GIMAP6: variants seen among roughly 807,000 people sequenced by gnomAD.
The protein encoded by GIMAP6 is GTPase, IMAP family member 6.
Under a neutral mutation model 9.3 loss-of-function variants are expected in GIMAP6, and 6 were observed. The ratio of observed to expected loss-of-function variants is 0.65; its 90% confidence interval spans 0.35 to 1.27. The LOEUF (loss-of-function observed/expected upper bound fraction) is 1.27. Among genes scored for constraint, GIMAP6 ranks in the 50% most tolerant of loss-of-function variants. The probability of loss-of-function intolerance (pLI) is 0.03; values close to 1 mark genes in which losing one functional copy is unlikely to be tolerated. For synonymous variants in GIMAP6, 156 were observed against 151.1 expected (o/e 1.03, Z -0.24); for missense variants, 333 against 359.5 (o/e 0.93, Z 0.60).
rs1796403457 is a variant in GIMAP6 at position 150,632,172 on chromosome 7, T to A, written c.-4A>T. 1 of 152,362 alleles carries A rather than the reference T, an allele frequency of 6.6e-6. No individual in the cohort carries two copies. The highest frequency in any genetic ancestry group is 2.4e-5 in the African/African-American group (1 of 41,440). The allele number at this position is 152,362 out of a possible 1,614,324, so 9.4% of individuals were successfully genotyped here. On this transcript the variant is annotated 5_prime_UTR_variant, in exon 1 of 3. Transcript: ENST00000328902. ...ACGCACAAATACTCAGACTTACCTCTGCACCAGCTCACAGGCAAGAGAAAG... is the reference window on the plus strand; with the variant it reads ...ACGCACAAATACTCAGACTTACCTCAGCACCAGCTCACAGGCAAGAGAAAG...
chr7:150,630,630 A>G (rs907260260), intron 1 of GIMAP6, among the ~76,000 whole-genome samples: 2 of 152,198 alleles, frequency 1.3e-5, no homozygotes, highest in South Asian at 4.1e-4. Flanking sequence ...GGGAGGGGCC[A>G]CTTGGTGGGC....
intron 2 of GIMAP6, chr7:150,628,748 A>G: frequency 2.1e-6 from 3 of 1,451,510 alleles, no homozygotes; most frequent in Admixed American, 2.8e-5. Flanking sequence ...AGACTTGGCC[A>G]ATAGAACACC....
rs75718225 is a variant in GIMAP6 at position 150,626,743 on chromosome 7, C to G, written c.*976G>C. 6.6e-6 allele frequency: 1 copy of G among 152,356 alleles called. No individual in the cohort carries two copies. Among genetic ancestry groups the G allele is most frequent in the African/African-American group, 2.4e-5 (1 of 41,576 alleles). 9.4% of individuals were successfully genotyped at this position (152,356 alleles called of 1,614,324 possible). On this transcript the variant is annotated 3_prime_UTR_variant, in exon 3 of 3. Transcript: ENST00000328902. ...TAGGGAACCCGTTTGCACACGCAGACACCCCATCCACATGCTCCCATTATC... is the reference window on the plus strand; with the variant it reads ...TAGGGAACCCGTTTGCACACGCAGAGACCCCATCCACATGCTCCCATTATC...
chr7:150,627,543 T>A lies in GIMAP6; in HGVS notation c.*176A>T. ...GTTCTGGAAGAAGGAATGAAGGAAC[T>A]GGAATGTGATCTGGGCATGCTGGAC... On this transcript the variant is annotated 3_prime_UTR_variant, in exon 3 of 3. Transcript: ENST00000328902. 1.4e-6 allele frequency: 1 copy of A among 691,924 alleles called. No individual in the cohort carries two copies. The highest frequency in any genetic ancestry group is 2.5e-6 in the Non-Finnish European group (1 of 405,066). 42.9% of individuals were successfully genotyped at this position (691,924 alleles called of 1,614,324 possible).
chr7:150,631,886 T>G (rs1407101766), intron 1 of GIMAP6, among the ~76,000 whole-genome samples: 1 of 152,008 alleles, frequency 6.6e-6, no homozygotes, highest in African/African-American at 2.4e-5. Context: ...ATTACAAACC[T>G]GCACACACCA....
chr7:150,629,088 C>G (rs1796350046), intron 2 of GIMAP6, among the ~76,000 whole-genome samples: 1 of 152,174 alleles, frequency 6.6e-6, no homozygotes, highest in Non-Finnish European at 1.5e-5. Context: ...CCCAAGGTGG[C>G]TGGAAGGAAT....
intron 1 of GIMAP6, among the ~76,000 whole-genome samples, chr7:150,630,712 G>T (rs758874396): frequency 6.6e-6 from 1 of 152,200 alleles, no homozygotes; most frequent in Non-Finnish European, 1.5e-5. Flanking sequence ...GGCTGAGCTG[G>T]GAAGGAAGCC....
rs759775773 is a variant in GIMAP6, at chr7:150,627,986, CT to C, written c.611del (p.Gln204ArgfsTer42). ...RRHCGFNNRAQGEEQEAQLRE... is the reference protein window; with the variant it reads ...RRHCGFNNRAXGEEQEAQLRE... Reference sequence around the variant, plus strand: ...GCAGTTGGGCCTCCTGCTCCTCCCCCTGTGCCCTGTTGTTGAAGCCGCAATG... The same window carrying C: ...GCAGTTGGGCCTCCTGCTCCTCCCCCGTGCCCTGTTGTTGAAGCCGCAATG... On this transcript the variant is annotated frameshift_variant, in exon 3 of 3. Coordinates refer to ENST00000328902, the MANE Select transcript of GIMAP6 (RefSeq NM_024711.6). LOFTEE classifies it low-confidence loss of function (END_TRUNC). 3 of 1,614,170 alleles carry C rather than the reference CT, an allele frequency of 1.9e-6. No homozygotes were observed. The highest frequency in any genetic ancestry group is 1.3e-5 in the African/African-American group (1 of 74,960).
chr7:150,632,009 A>G (rs1263958000), intron 1 of GIMAP6, among the ~76,000 whole-genome samples, 160 bp downstream of exon 1: 2 of 151,998 alleles, frequency 1.3e-5, no homozygotes, highest in Non-Finnish European at 2.9e-5. Flanking sequence ...TACACAACAC[A>G]CACACAACAC....
Position 150,630,039 on chromosome 7 carries a change from C to G in GIMAP6, c.85+19G>C, listed in dbSNP as rs1366787767. On this transcript the variant is annotated intron_variant, in intron 2 of 2. Coordinates refer to ENST00000328902, the MANE Select transcript of GIMAP6 (RefSeq NM_024711.6). ...CCCCAAATGTTTCCCACTTGCTCCC[C>G]TCTCCTCATTCATTTTACCTCCTGA... 1.3e-6 allele frequency: 2 copies of G among 1,538,266 alleles called. No homozygotes were observed. The highest frequency in any genetic ancestry group is 1.8e-6 in the Non-Finnish European group (2 of 1,121,036).
At chr7:150,629,141 C>T (rs185794602) in intron 2 of GIMAP6, among the ~76,000 whole-genome samples, 3 of 152,328 alleles carry the variant, frequency 2.0e-5, no homozygotes, top group East Asian at 3.9e-4. Context: ...TCTTCATCCC[C>T]ACCCACCTAG....
Position 150,628,348 on chromosome 7 carries a change from G to A in GIMAP6, c.250C>T (p.Arg84Ter), listed in dbSNP as rs766503943. 8 of 1,613,904 alleles carry A rather than the reference G, an allele frequency of 5.0e-6. No homozygotes were observed. The highest frequency in any genetic ancestry group is 2.2e-5 in the South Asian group (2 of 91,060). Residue 84 changes from arginine to a stop codon, truncating the protein, a stop_gained, in exon 3 of 3, where the codon CGA (arginine) becomes TGA (stop). Transcript: ENST00000328902. LOFTEE classifies it high-confidence loss of function. ...TCAAGCTCCTTCCCAGCCCACTCTC[G>A]GCTCCGTCTCTGGGAGGTCTTGGTC... ...PVTKTSQRRS[R>*]EWAGKELEVI...
rs997509202 is a variant in GIMAP6, at chr7:150,628,591, G to A, written c.86-79C>T. 11 of 1,597,968 alleles carry A rather than the reference G, an allele frequency of 6.9e-6. No homozygotes were observed. In the African/African-American group the frequency reaches 1.5e-4, roughly 21 times the overall value. On this transcript the variant is annotated intron_variant, in intron 2 of 2. Transcript: ENST00000328902. ...ATCTTGTCATCACCAGGAGCCTCTG[G>A]GTGTACCCCCAGACTGCAGGGGCAG... is the stretch of plus-strand genomic sequence containing the variant.
At position 150,630,082 on chromosome 7, in the gene GIMAP6, C is replaced by T. The variant is rs145493080; in HGVS notation, c.61G>A (p.Asp21Asn). ...QENPPEELSQ[D>N]PVLELSGGLR... The stretch of plus-strand genomic sequence containing the variant: ...CCTCCTGACAGCTCCAGCACAGGAT[C>T]CTGGGACAGCTCTTCTGGGGGATTC... The change falls in exon 2 of 3, where the codon GAT becomes AAT. Residue 21 changes from aspartate (D) to asparagine (N), a missense_variant. Transcript: ENST00000328902. 4.4e-6 allele frequency: 7 copies of T among 1,589,298 alleles called. No individual in the cohort carries two copies. In the South Asian group the frequency reaches 4.6e-5, roughly 10 times the overall value.
Position 150,628,143 on chromosome 7 carries a change from A to G in GIMAP6, c.455T>C (p.Val152Ala), listed in dbSNP as rs540666412. Reference sequence around the variant, plus strand: ...CAGGATGGTGTGACCCAGAACCCCCACTCCAAAGACCTCCTGCAGGCGCCT... The same window carrying G: ...CAGGATGGTGTGACCCAGAACCCCCGCTCCAAAGACCTCCTGCAGGCGCCT... Reference protein sequence around the residue: ...VVRRLQEVFGVGVLGHTILVF... With the variant: ...VVRRLQEVFGAGVLGHTILVF... Residue 152 changes from valine (V) to alanine (A), a missense_variant, in exon 3 of 3, where the codon GTG (valine) becomes GCG (alanine). Transcript: ENST00000328902. 6.2e-7 allele frequency: 1 copy of G among 1,613,674 alleles called. No homozygotes were observed. Among genetic ancestry groups the G allele is most frequent in the South Asian group, 1.1e-5 (1 of 91,060 alleles).
In GIMAP6 at chr7:150,632,277, G is replaced by T. The variant is rs189157643; in HGVS notation, c.-109C>A. On this transcript the variant is annotated 5_prime_UTR_variant, in exon 1 of 3. Transcript: ENST00000328902. ...CTTCCACAGTGTATGAACACAAGGAGGACAAGGCCGATGTTTGCTTATATT... is the reference window on the plus strand; with the variant it reads ...CTTCCACAGTGTATGAACACAAGGATGACAAGGCCGATGTTTGCTTATATT... 6.6e-6 allele frequency: 1 copy of T among 152,272 alleles called. No homozygotes were observed. The highest frequency in any genetic ancestry group is 1.5e-5 in the Non-Finnish European group (1 of 68,036). 9.4% of individuals were successfully genotyped at this position (152,272 alleles called of 1,614,324 possible). A position where few individuals can be genotyped will look rare whatever the true frequency, so the allele number is the denominator to read the frequency against.
At position 150,626,521 on chromosome 7, in the gene GIMAP6, C is replaced by T. The variant is rs1796296878; in HGVS notation, c.*1198G>A. On this transcript the variant is annotated 3_prime_UTR_variant, in exon 3 of 3. Transcript: ENST00000328902. ...CCTGAGACAGGATGACATCCTACTC[C>T]CTTCTCATCCTGTCCAGTATCAGTA... The T allele has an allele frequency of 6.6e-6, 1 of 152,184 alleles. No individual in the cohort carries two copies. Among genetic ancestry groups the T allele is most frequent in the Admixed American group, 6.5e-5 (1 of 15,282 alleles). 9.4% of individuals were successfully genotyped at this position (152,184 alleles called of 1,614,324 possible).
Position 150,626,025 on chromosome 7 carries a change from C to G in GIMAP6, c.*1694G>C, listed in dbSNP as rs1796286411. ...TGGCACAAAGGCTGTCTTCAGCAAA[C>G]ACCAAATAACTCTGTGCTCTGCTTT... On this transcript the variant is annotated 3_prime_UTR_variant, in exon 3 of 3. Transcript: ENST00000328902. 6.6e-6 allele frequency: 1 copy of G among 152,232 alleles called. No homozygotes were observed. Among genetic ancestry groups the G allele is most frequent in the Non-Finnish European group, 1.5e-5 (1 of 68,048 alleles). The allele number at this position is 152,232 out of a possible 1,614,324, so 9.4% of individuals were successfully genotyped here. A position where few individuals can be genotyped will look rare whatever the true frequency, so the allele number is the denominator to read the frequency against.
Position 150,627,489 on chromosome 7 carries a change from T to C in GIMAP6, c.*230A>G. On this transcript the variant is annotated 3_prime_UTR_variant, in exon 3 of 3. Transcript: ENST00000328902. ...GGTCCAATAGGAAGACAGCGTGCTG[T>C]TGGGGCACAGAGGAGGGAGGACCCA... 1.7e-6 allele frequency: 1 copy of C among 596,404 alleles called. No homozygotes were observed. The highest frequency in any genetic ancestry group is 3.0e-6 in the Non-Finnish European group (1 of 334,632). The allele number at this position is 596,404 out of a possible 1,614,324, so 36.9% of individuals were successfully genotyped here. A position where few individuals can be genotyped will look rare whatever the true frequency, so the allele number is the denominator to read the frequency against.
Sources: gnomAD v4.1 joint callset for allele counts (sites outside exome capture counted in the v4.1 genomes callset) on GRCh38, gnomAD v4.1.1 for gene constraint, MANE v1.5 for transcripts, NCBI Gene and HGNC (gene_info 2026-07-23, HGNC 2026-07-21) for gene names.